The following SRRT variants were observed in gnomAD, a reference collection of about 807,000 sequenced individuals.
The protein encoded by SRRT is serrate RNA effector molecule homolog.
A neutral mutation model predicts 103.2 loss-of-function variants in SRRT; 32 were observed. The observed-to-expected ratio is 0.31, with a 90% CI of 0.23 to 0.42. The LOEUF (loss-of-function observed/expected upper bound fraction) is 0.42, where lower values mean the gene tolerates loss of function less well. Among genes scored for constraint, SRRT ranks in the 10% least tolerant of loss-of-function variants. The pLI, the probability that SRRT is intolerant of heterozygous loss-of-function variation, is 1.00. For missense variants in SRRT, 986 were observed against 1,207.5 expected (o/e 0.82, Z 2.72); for synonymous variants, 525 against 449.0 (o/e 1.17, Z -2.14).
At chr7:100,879,884 G>A (rs1816121845) in intron 2 of SRRT, among the ~76,000 whole-genome samples, 1 of 152,088 alleles carries the variant, frequency 6.6e-6, no homozygotes, top group Non-Finnish European at 1.5e-5. Flanking sequence ...GTTGGTGACT[G>A]GTGGAGAGGC....
intron 2 of SRRT, among the ~76,000 whole-genome samples, chr7:100,880,508 T>A (rs1816194402): frequency 6.6e-6 from 1 of 152,138 alleles, no homozygotes; most frequent in South Asian, 2.1e-4. Context: ...GGTTTCACCA[T>A]GTTAGCCAGG....
intron 19 of SRRT, 33 bp from the exon 20 acceptor site, chr7:100,888,441 C>T: frequency 6.2e-7 from 1 of 1,613,500 alleles, no homozygotes; most frequent in Non-Finnish European, 8.5e-7. Context: ...TTTGGGAGCC[C>T]TCAGCTCTCA....
intron 2 of SRRT, among the ~76,000 whole-genome samples, chr7:100,880,057 C>T (rs1423195333): frequency 6.6e-6 from 1 of 152,204 alleles, no homozygotes; most frequent in Non-Finnish European, 1.5e-5. Flanking sequence ...AGCAGGCGGG[C>T]AGCCAGGGCT....
chr7:100,880,688 A>T (rs918611565), intron 2 of SRRT: 18 of 426,490 alleles, frequency 4.2e-5, no homozygotes, highest in Non-Finnish European at 8.5e-5. Flanking sequence ...TTTCTGTTTT[A>T]TTTTTAGAGA....
Position 100,882,254 on chromosome 7 carries a change from A to G in SRRT, c.587+13A>G, listed in dbSNP as rs1157861971. ...AAGATGAGGAGTGGTGAGTGCCCCTACTTCCCTGGACCTCTGCCCTGGCAT... is the reference window on the plus strand; with the variant it reads ...AAGATGAGGAGTGGTGAGTGCCCCTGCTTCCCTGGACCTCTGCCCTGGCAT... On this transcript the variant is annotated intron_variant, in intron 5 of 19. Coordinates refer to ENST00000611405, the MANE Select transcript of SRRT (RefSeq NM_015908.6). This position sits in a 1 kb window ranked among gnomAD's most constrained non-coding sequence, Gnocchi z 4.2. 4 of 1,611,860 alleles carry G rather than the reference A, an allele frequency of 2.5e-6. No individual in the cohort carries two copies. The highest frequency in any genetic ancestry group is 2.2e-5 in the South Asian group (2 of 90,858).
At chr7:100,879,668 T>G (rs1192548643) in intron 2 of SRRT, among the ~76,000 whole-genome samples, 1 of 152,068 alleles carries the variant, frequency 6.6e-6, no homozygotes, top group Admixed American at 6.6e-5. Flanking sequence ...AAGCAGAAAC[T>G]CTTTGGTGTC....
Position 100,877,009 on chromosome 7 carries a change from A to C in SRRT, c.122+1297A>C, listed in dbSNP as rs542250921. Reference sequence around the variant, plus strand: ...GACCATAGGGGGTCTCCGAGGCTAAAATTAGTTTTTGTGGTAATGTTTACA... The same window carrying C: ...GACCATAGGGGGTCTCCGAGGCTAACATTAGTTTTTGTGGTAATGTTTACA... On this transcript the variant is annotated intron_variant, in intron 2 of 19. Transcript: ENST00000611405. Among the ~76,000 whole-genome samples the C allele has an allele frequency of 2.5e-4, 38 of 152,252 alleles. 1 individual carries two copies. The South Asian group carries it at 4.8e-3, about 19-fold the overall frequency.
At position 100,881,765 on chromosome 7, in the gene SRRT, G is replaced by A. The variant is rs752677265; in HGVS notation, c.358G>A (p.Val120Ile). The A allele has an allele frequency of 2.1e-5, 34 of 1,613,542 alleles. No homozygotes were observed. Among genetic ancestry groups the A allele is most frequent in the East Asian group, 4.5e-5 (2 of 44,874 alleles). Reference protein sequence around the residue: ...GPPQPWGHPDVHIMQHHVLPI... With the variant: ...GPPQPWGHPDIHIMQHHVLPI... ...CCCTCAGCCCTGGGGCCACCCTGAC[G>A]TCCACATCATGCAGCACCATGTCCT... Residue 120 changes from valine (V) to isoleucine (I), a missense_variant, in exon 4 of 20, where the codon GTC becomes ATC. This residue lies in a region of SRRT where 274 missense variants were observed against 358.5 expected (regional missense o/e 0.76). Coordinates refer to ENST00000611405, the MANE Select transcript of SRRT (RefSeq NM_015908.6).
intron 2 of SRRT, 88 bp downstream of exon 2, chr7:100,875,800 A>T (rs1291027637): frequency 2.0e-6 from 3 of 1,526,196 alleles, no homozygotes; most frequent in Admixed American, 1.7e-5. Flanking sequence ...TGTAATTTTT[A>T]TGAGGGCGAA....
At chr7:100,879,693 A>G (rs1005631920) in intron 2 of SRRT, among the ~76,000 whole-genome samples, 1 of 152,006 alleles carries the variant, frequency 6.6e-6, no homozygotes, top group Non-Finnish European at 1.5e-5. Flanking sequence ...GTCATTTTTA[A>G]GAGTATTAAG....
In SRRT at chr7:100,886,797, C is replaced by T. The variant is rs568935841; in HGVS notation, c.1650C>T (p.Ser550=). ...SEPGTPPLPT[S]LPSQNPILKN... is the part of the protein sequence containing the mutation. ...CTTGCTTCTCTTCCTCCCATCAGAG[C>T]CTGCCCTCGCAAAACCCGATCTTGA... is the stretch of plus-strand genomic sequence containing the variant. The change falls in exon 14 of 20, where the codon AGC becomes AGT. Residue 550 remains serine (S), a splice_region_variant and synonymous_variant. Coordinates refer to ENST00000611405, the MANE Select transcript of SRRT (RefSeq NM_015908.6). 2 of 1,614,142 alleles carry T rather than the reference C, an allele frequency of 1.2e-6. No homozygotes were observed. Among genetic ancestry groups the T allele is most frequent in the African/African-American group, 1.3e-5 (1 of 75,054 alleles).
Position 100,888,248 on chromosome 7 carries a change from C to G in SRRT, c.2429-9C>G. ...TAGTTTTGCAACTCAACACTGATCT[C>G]TGTCATAGCTGGTGCTGTCCGCCCT... On this transcript the variant is annotated splice_polypyrimidine_tract_variant and intron_variant, in intron 18 of 19. Coordinates refer to ENST00000611405, the MANE Select transcript of SRRT (RefSeq NM_015908.6). 6.2e-7 allele frequency: 1 copy of G among 1,605,104 alleles called. No homozygotes were observed. The highest frequency in any genetic ancestry group is 1.3e-5 in the African/African-American group (1 of 74,738).
At position 100,884,930 on chromosome 7, in the gene SRRT, A is replaced by G; in HGVS notation, c.1049A>G (p.Lys350Arg). 1.2e-6 allele frequency: 2 copies of G among 1,614,032 alleles called. No homozygotes were observed. Among genetic ancestry groups the G allele is most frequent in the Non-Finnish European group, 1.7e-6 (2 of 1,179,982 alleles). The change falls in exon 9 of 20, where the codon AAG (lysine) becomes AGG (arginine). Residue 350 changes from lysine to arginine, a missense_variant. Physicochemically the swap from Lys to Arg is conservative, Grantham distance 26 (BLOSUM62 2). Around this residue, in one of 6 missense-constraint regions of SRRT, gnomAD observed 166 missense variants for 148.6 expected, o/e 1.12. Transcript: ENST00000611405. ...DSEKEAKKSSKKRNRKHSGDD... is the reference protein window; with the variant it reads ...DSEKEAKKSSRKRNRKHSGDD... ...CTGCTGTGGCTCACACAGAGTAGCA[A>G]GAAGCGGAACCGGAAGCACAGTGGT... is the stretch of plus-strand genomic sequence containing the variant.
In SRRT at chr7:100,887,606, G is replaced by A; in HGVS notation, c.2169+93G>A. 6.3e-7 allele frequency: 1 copy of A among 1,577,856 alleles called. No individual in the cohort carries two copies. Among genetic ancestry groups the A allele is most frequent in the South Asian group, 1.2e-5 (1 of 85,402 alleles). Reference sequence around the variant, plus strand: ...GGCAGGGGTGGGGGAACTGCTTACTGCACTGGCAGGCGGGAGCTGGGAATC... The same window carrying A: ...GGCAGGGGTGGGGGAACTGCTTACTACACTGGCAGGCGGGAGCTGGGAATC... On this transcript the variant is annotated intron_variant, in intron 16 of 19. Coordinates refer to ENST00000611405, the MANE Select transcript of SRRT (RefSeq NM_015908.6). This position sits in a 1 kb window ranked among gnomAD's most constrained non-coding sequence, Gnocchi z 4.1.
At chr7:100,880,319 G>A (rs144583695) in intron 2 of SRRT, among the ~76,000 whole-genome samples, 1 of 152,040 alleles carries the variant, frequency 6.6e-6, no homozygotes. Context: ...TTTTTGGTGG[G>A]GGGGATGAAG....
At position 100,875,569 on chromosome 7, in the gene SRRT, C is replaced by G. The variant is rs370528269; in HGVS notation, c.-18-4C>G. ...CACTCCTACCGCCTCTCCCCGGTCC[C>G]CAGGCCCCCTCAGACCGTGCCATGG... is the stretch of plus-strand genomic sequence containing the variant. On this transcript the variant is annotated splice_region_variant and splice_polypyrimidine_tract_variant and intron_variant, in intron 1 of 19. Coordinates refer to ENST00000611405, the MANE Select transcript of SRRT (RefSeq NM_015908.6). The G allele has an allele frequency of 3.1e-6, 5 of 1,613,640 alleles. No individual in the cohort carries two copies. The highest frequency in any genetic ancestry group is 4.2e-6 in the Non-Finnish European group (5 of 1,179,720).
chr7:100,883,153 G>C (rs1161698897), intron 5 of SRRT: 6 of 152,634 alleles, frequency 3.9e-5, no homozygotes, highest in African/African-American at 7.2e-5. Flanking sequence ...TCGTGGTTCT[G>C]TTCTGTCTTC....
chr7:100,878,734 G>T (rs1330490612), intron 2 of SRRT, among the ~76,000 whole-genome samples: 1 of 150,096 alleles, frequency 6.7e-6, no homozygotes, highest in African/African-American at 2.5e-5. Context: ...TTACTCTGTT[G>T]CCCAGGTTGG....
At chr7:100,883,409 C>T (rs560375539) in intron 5 of SRRT, among the ~76,000 whole-genome samples, 36 of 152,272 alleles carry the variant, frequency 2.4e-4, no homozygotes, top group Non-Finnish European at 4.4e-4. Context: ...CTCTGAGGTC[C>T]TATTTGAAAT....
Sources: allele counts gnomAD v4.1 joint callset (sites outside exome capture counted in the v4.1 genomes callset), GRCh38; gene constraint gnomAD v4.1.1; regional missense constraint gnomAD v4.1.1; non-coding constraint Gnocchi (gnomAD v3.1); transcripts MANE v1.5; gene names NCBI Gene and HGNC (gene_info 2026-07-23, HGNC 2026-07-21).